CNTLN: variants seen among roughly 807,000 people sequenced by gnomAD.
The protein encoded by CNTLN is centlein.
Under a neutral mutation model 180.0 loss-of-function variants are expected in CNTLN, and 212 were observed. The ratio of observed to expected loss-of-function variants is 1.18; its 90% CI spans 1.05 to 1.32. CNTLN has a LOEUF of 1.32. CNTLN is among the 40% of genes most tolerant of loss of function. The probability of loss-of-function intolerance (pLI) is 0.00; values close to 1 mark genes in which losing one functional copy is unlikely to be tolerated. For missense variants in CNTLN, 2,095 were observed against 1,610.9 expected (o/e 1.30, Z -5.14); for synonymous variants, 722 against 563.1 (o/e 1.28, Z -3.99).
At chr9:17,420,641 C>CATT (rs1250403934) in intron 18 of CNTLN, among the ~76,000 whole-genome samples, 4 of 151,840 alleles carry the variant, frequency 2.6e-5, no homozygotes, top group African/African-American at 9.7e-5. Flanking sequence ...CAAGATGCAT[C>CATT]ATTAGGTTGT....
chr9:17,480,659 G>A (rs1401372334), intron 23 of CNTLN, among the ~76,000 whole-genome samples: 3 of 152,126 alleles, frequency 2.0e-5, no homozygotes, highest in Admixed American at 2.0e-4. Context: ...AATTGTTTTA[G>A]CTATCTGCCT....
At chr9:17,508,788 A>G (rs542094039), downstream of CNTLN, among the ~76,000 whole-genome samples, 16 of 152,368 alleles carry the variant, frequency 1.1e-4, no homozygotes, top group South Asian at 3.1e-3. Flanking sequence ...TTATATGGAC[A>G]TACCACAATT....
intron 13 of CNTLN, among the ~76,000 whole-genome samples, chr9:17,368,714 G>C (rs578141370): frequency 4.1e-4 from 63 of 152,326 alleles, no homozygotes; most frequent in African/African-American, 1.3e-3. Flanking sequence ...TGGTAATCCA[G>C]AGAATTCTTC....
At chr9:17,208,079 C>G (rs111644895) in intron 2 of CNTLN, among the ~76,000 whole-genome samples, 2,452 of 152,162 alleles carry the variant, frequency 0.016, 28 homozygotes, top group Non-Finnish European at 0.029. Flanking sequence ...TTTCCACATT[C>G]AATATTAATA....
intron 10 of CNTLN, among the ~76,000 whole-genome samples, chr9:17,334,041 A>G (rs1182216967): frequency 1.3e-5 from 2 of 152,048 alleles, no homozygotes; most frequent in Admixed American, 6.6e-5. Context: ...CAAGTCTATC[A>G]TCTTCCTCCT....
rs527699048 is a variant in CNTLN, at chr9:17,179,793, C to G, written c.449+36417C>G. ...TTGCCAAACATAATTATTGATTTAT[C>G]TATTACTCTTTTCAGTTCTATCAGT... is the stretch of plus-strand genomic sequence containing the variant. On this transcript the variant is annotated intron_variant, in intron 2 of 25. Coordinates refer to ENST00000380647, the MANE Select transcript of CNTLN (RefSeq NM_017738.4). Among the ~76,000 whole-genome samples the G allele has an allele frequency of 3.3e-5, 5 of 152,066 alleles. No individual in the cohort carries two copies. The South Asian group carries it at 1.0e-3, about 32-fold the overall frequency.
At chr9:17,353,633 T>A (rs1822557709) in intron 12 of CNTLN, among the ~76,000 whole-genome samples, 1 of 150,902 alleles carries the variant, frequency 6.6e-6, no homozygotes, top group African/African-American at 2.4e-5. Flanking sequence ...GGGGTCTTGC[T>A]CTGTTGCCCA....
At chr9:17,339,797 C>G (rs1177565965) in intron 10 of CNTLN, among the ~76,000 whole-genome samples, 1 of 152,120 alleles carries the variant, frequency 6.6e-6, no homozygotes, top group African/African-American at 2.4e-5. Context: ...AGAATTTCGT[C>G]TTTATAAATT....
intron 23 of CNTLN, among the ~76,000 whole-genome samples, chr9:17,478,261 T>C (rs1197115106): frequency 6.6e-6 from 1 of 152,218 alleles, no homozygotes; most frequent in Non-Finnish European, 1.5e-5. Flanking sequence ...ATTGTGGTGG[T>C]CTGAAATGGA....
chr9:17,263,413 G>C (rs1391569305), intron 5 of CNTLN, among the ~76,000 whole-genome samples: 1 of 150,870 alleles, frequency 6.6e-6, no homozygotes, highest in East Asian at 1.9e-4. Context: ...TGGTGTATAT[G>C]TGCCACATTT....
chr9:17,322,499 C>G (rs1292580527), intron 8 of CNTLN, among the ~76,000 whole-genome samples: 1 of 152,056 alleles, frequency 6.6e-6, no homozygotes, highest in Non-Finnish European at 1.5e-5. Context: ...ATGAAACAGC[C>G]CAAGATATTA....
intron 18 of CNTLN, 62 bp downstream of exon 18, chr9:17,416,251 T>C: frequency 7.4e-7 from 1 of 1,359,222 alleles, no homozygotes. Flanking sequence ...TATTTTGTTT[T>C]ACATGTATTA....
intron 13 of CNTLN, among the ~76,000 whole-genome samples, chr9:17,385,511 G>A (rs1825619321): frequency 6.6e-6 from 1 of 152,070 alleles, no homozygotes; most frequent in Admixed American, 6.6e-5. Flanking sequence ...TGCTTTGCTT[G>A]TAATAACAAA....
rs146783922 is a variant in CNTLN, at chr9:17,272,742, C to A, written c.850-991C>A. On this transcript the variant is annotated intron_variant, in intron 5 of 25. Transcript: ENST00000380647. ...AGAGTATGAGAGCCCTTCTGTAGTC[C>A]CCAGTTTCATTTTCTGAGTTTGGAT... Among the ~76,000 whole-genome samples, 25 of 152,122 alleles carry A rather than the reference C, an allele frequency of 1.6e-4. No homozygotes were observed. The East Asian group carries it at 4.5e-3, about 27-fold the overall frequency.
intron 8 of CNTLN, among the ~76,000 whole-genome samples, chr9:17,315,446 TG>T (rs1285910299): frequency 6.6e-6 from 1 of 152,086 alleles, no homozygotes; most frequent in Non-Finnish European, 1.5e-5. Flanking sequence ...GATTTCAATG[TG>T]GTAGTGTTTC....
intron 2 of CNTLN, among the ~76,000 whole-genome samples, chr9:17,198,882 G>A (rs932647878): frequency 6.6e-6 from 1 of 152,074 alleles, no homozygotes; most frequent in African/African-American, 2.4e-5. Context: ...TGGCTTCATA[G>A]TATTCTATGG....
At chr9:17,411,146 C>A (rs1386442423) in intron 16 of CNTLN, among the ~76,000 whole-genome samples, 2 of 152,086 alleles carry the variant, frequency 1.3e-5, no homozygotes, top group African/African-American at 4.8e-5. Context: ...ACTCAAGGAA[C>A]AACATGGTGG....
chr9:17,176,641 C>G (rs989850233), intron 2 of CNTLN, among the ~76,000 whole-genome samples: 1 of 152,158 alleles, frequency 6.6e-6, no homozygotes, highest in East Asian at 1.9e-4. Flanking sequence ...TTTTCTGGAA[C>G]AAATTGTGTA....
intron 23 of CNTLN, among the ~76,000 whole-genome samples, chr9:17,470,941 C>T (rs556894514): frequency 6.6e-6 from 1 of 152,080 alleles, no homozygotes; most frequent in African/African-American, 2.4e-5. Context: ...TTTAATTTTA[C>T]ACATACAATT....
Sources: gnomAD v4.1 joint callset for allele counts (sites outside exome capture counted in the v4.1 genomes callset) on GRCh38, gnomAD v4.1.1 for gene constraint, MANE v1.5 for transcripts, NCBI Gene and HGNC (gene_info 2026-07-23, HGNC 2026-07-21) for gene names.